XRN2: variants seen among roughly 807,000 people sequenced by gnomAD.
XRN2 encodes the protein 5'-3' exoribonuclease 2, also known as DHM1-like protein.
Under a neutral mutation model 138.5 loss-of-function variants are expected in XRN2, and 44 were observed. The ratio of observed to expected loss-of-function variants is 0.32; its 90% CI spans 0.25 to 0.41. The LOEUF is 0.41. Among genes scored for constraint, XRN2 ranks in the 10% least tolerant of loss-of-function variants. XRN2 has a pLI of 1.00. For synonymous variants in XRN2, 354 were observed against 369.4 expected, an observed-to-expected ratio of 0.96 and a Z score of 0.48; for missense variants, 937 against 1,169.3, an observed-to-expected ratio of 0.80 and a Z score of 2.90.
At position 21,315,350 on chromosome 20, in the gene XRN2, C is replaced by T. The variant is rs145632889; in HGVS notation, c.76-10929C>T. On this transcript the variant is annotated intron_variant, in intron 1 of 29. Coordinates refer to ENST00000377191, the MANE Select transcript of XRN2 (RefSeq NM_012255.5). ...ACTTGTTATCTGACTTGGCTTTAGC[C>T]ATTCTAGTGGGTGTGTGACGTGGTA... Among the ~76,000 whole-genome samples, 329 of 152,340 alleles carry T rather than the reference C, an allele frequency of 2.2e-3. 2 individuals carry two copies. The highest frequency in any genetic ancestry group is 7.6e-3 in the African/African-American group (316 of 41,578).
chr20:21,336,097 G>T (rs937832645), intron 13 of XRN2, among the ~76,000 whole-genome samples: 4 of 152,204 alleles, frequency 2.6e-5, no homozygotes, highest in Non-Finnish European at 5.9e-5. Flanking sequence ...CTGTTTGTGC[G>T]TGACTACCAC....
intron 1 of XRN2, chr20:21,303,840 C>T (rs2037775827): frequency 3.9e-6 from 4 of 1,029,618 alleles, no homozygotes; most frequent in Middle Eastern, 4.7e-4. Flanking sequence ...TTGAGCAATG[C>T]ATGCCAGGTC....
At chr20:21,303,924 C>T (rs1600663851) in intron 1 of XRN2, 1 of 922,254 alleles carries the variant, frequency 1.1e-6, no homozygotes, top group Non-Finnish European at 1.3e-6. Flanking sequence ...GAATCCCTGG[C>T]GGCGACCTTT....
chr20:21,382,134 AAAACCTC>A (rs1377760310), intron 28 of XRN2, 77 bp downstream of exon 28: 2 of 1,277,080 alleles, frequency 1.6e-6, no homozygotes, highest in Admixed American at 4.4e-5. Context: ...TATGGAAGCT[AAAACCTC>A]TGTGGTTTGA....
chr20:21,373,815 T>A (rs542951476), intron 27 of XRN2, among the ~76,000 whole-genome samples: 2 of 152,332 alleles, frequency 1.3e-5, no homozygotes, highest in East Asian at 1.9e-4. Context: ...GTGGTTTTTT[T>A]AAATTGGGTT....
intron 27 of XRN2, among the ~76,000 whole-genome samples, chr20:21,374,896 A>C (rs1408419521): frequency 6.6e-6 from 1 of 151,956 alleles, no homozygotes; most frequent in Non-Finnish European, 1.5e-5. Flanking sequence ...TTCAGTGGCC[A>C]AGCCAGTTGG....
chr20:21,355,504 A>T (rs1316064747), intron 21 of XRN2, among the ~76,000 whole-genome samples: 2 of 152,138 alleles, frequency 1.3e-5, no homozygotes, highest in African/African-American at 4.8e-5. Flanking sequence ...TCCTTAGGGA[A>T]TGATTATGTA....
chr20:21,387,107 A>G (rs2122377112), intron 29 of XRN2, 101 bp downstream of exon 29: 3 of 1,479,186 alleles, frequency 2.0e-6, no homozygotes, highest in African/African-American at 1.4e-5. Flanking sequence ...GAAGACACTG[A>G]TAGAGTAGCT....
intron 16 of XRN2, among the ~76,000 whole-genome samples, chr20:21,345,977 TAAGTA>T (rs2038430928): frequency 6.6e-6 from 1 of 152,224 alleles, no homozygotes; most frequent in Non-Finnish European, 1.5e-5. Context: ...GTGTGCGTCT[TAAGTA>T]ATTTAGTTGA....
chr20:21,336,325 G>A (rs1224307922), intron 13 of XRN2, among the ~76,000 whole-genome samples: 1 of 152,106 alleles, frequency 6.6e-6, no homozygotes, highest in African/African-American at 2.4e-5. Flanking sequence ...AGCTGGGCGT[G>A]GTGGTGGGCG....
chr20:21,304,646 C>T (rs1169900042), intron 1 of XRN2, among the ~76,000 whole-genome samples: 2 of 152,152 alleles, frequency 1.3e-5, no homozygotes, highest in African/African-American at 4.8e-5. Flanking sequence ...TGAATTCTAG[C>T]TGGAATAGGA....
intron 20 of XRN2, among the ~76,000 whole-genome samples, chr20:21,353,782 G>A (rs2038541775): frequency 7.7e-6 from 1 of 129,716 alleles, no homozygotes; most frequent in African/African-American, 2.8e-5. Flanking sequence ...GTGACAGAGT[G>A]AGACCCTATC....
Position 21,307,928 on chromosome 20 carries a change from A to C in XRN2, c.75+4455A>C, listed in dbSNP as rs189643552. 1.3e-4 allele frequency among the ~76,000 whole-genome samples: 10 copies of C among 75,860 alleles called. 4 individuals carry two copies. The highest frequency in any genetic ancestry group is 2.8e-4 in the Non-Finnish European group (9 of 32,136). The allele number at this position is 75,860 out of a possible 152,430, so 49.8% of individuals were successfully genotyped here. A position where few individuals can be genotyped will look rare whatever the true frequency, so the allele number is the denominator to read the frequency against. ...CCGTTGTTGTATGTGTCAGTAGTTTATTTCTTTTTTGTTTTTATTTTTTTT... is the reference window on the plus strand; with the variant it reads ...CCGTTGTTGTATGTGTCAGTAGTTTCTTTCTTTTTTGTTTTTATTTTTTTT... On this transcript the variant is annotated intron_variant, in intron 1 of 29. Coordinates refer to ENST00000377191, the MANE Select transcript of XRN2 (RefSeq NM_012255.5).
intron 8 of XRN2, 107 bp downstream of exon 8, chr20:21,331,925 C>G: frequency 8.0e-7 from 1 of 1,257,640 alleles, no homozygotes; most frequent in Non-Finnish European, 1.1e-6. Context: ...TTCCAAAATG[C>G]CTTGGTTATT....
Position 21,349,396 on chromosome 20 carries a change from G to A in XRN2, c.1871G>A (p.Ser624Asn). 2 of 1,590,246 alleles carry A rather than the reference G, an allele frequency of 1.3e-6. No individual in the cohort carries two copies. The highest frequency in any genetic ancestry group is 1.7e-6 in the Non-Finnish European group (2 of 1,159,210). ...WRKLMSDPDS[S>N]IIDFYPEDFA... ...CTTTTCTCCCTAATATAGGATTCTA[G>A]TATAATTGACTTCTATCCTGAAGAT... The change falls in exon 20 of 30, where the codon AGT (serine) becomes AAT (asparagine). Residue 624 changes from serine to asparagine, a missense_variant. Physicochemically the swap from Ser to Asn is conservative, Grantham distance 46. Coordinates refer to ENST00000377191, the MANE Select transcript of XRN2 (RefSeq NM_012255.5).
chr20:21,380,208 G>C (rs994923793), intron 27 of XRN2, among the ~76,000 whole-genome samples: 3 of 152,078 alleles, frequency 2.0e-5, no homozygotes, highest in Admixed American at 2.0e-4. Context: ...TTTGACTTCT[G>C]TTACATTTGC....
intron 27 of XRN2, among the ~76,000 whole-genome samples, chr20:21,380,457 T>G (rs150832739): frequency 6.6e-6 from 1 of 152,302 alleles, no homozygotes; most frequent in East Asian, 1.9e-4. Flanking sequence ...TAAGAACTTC[T>G]TACTTTTATC....
In XRN2 at chr20:21,330,558, T is replaced by C. The variant is rs2038193300; in HGVS notation, c.486+19T>C. Reference sequence around the variant, plus strand: ...TACACCAGTAAGTAGTCTCATACTTTGCTAGCTATTGCTAACTCTTAAATG... The same window carrying C: ...TACACCAGTAAGTAGTCTCATACTTCGCTAGCTATTGCTAACTCTTAAATG... On this transcript the variant is annotated intron_variant, in intron 5 of 29. Transcript: ENST00000377191. 2 of 1,613,664 alleles carry C rather than the reference T, an allele frequency of 1.2e-6. No homozygotes were observed. Among genetic ancestry groups the C allele is most frequent in the East Asian group, 2.2e-5 (1 of 44,840 alleles).
At chr20:21,326,224 C>A (rs1477079323) in intron 1 of XRN2, 55 bp from the exon 2 acceptor site, 3 of 1,564,282 alleles carry the variant, frequency 1.9e-6, no homozygotes, top group African/African-American at 2.7e-5. Flanking sequence ...AGCCTAGGAT[C>A]TGTCATTTTT....
Sources: allele counts gnomAD v4.1 joint callset (sites outside exome capture counted in the v4.1 genomes callset), GRCh38; gene constraint gnomAD v4.1.1; transcripts MANE v1.5; gene names NCBI Gene and HGNC (gene_info 2026-07-23, HGNC 2026-07-21).